EXPH5: variants seen among roughly 807,000 people sequenced by gnomAD.
EXPH5 encodes the protein exophilin 5, also known as exophilin-5.
A neutral mutation model predicts 41.1 loss-of-function variants in EXPH5; 42 were observed. The ratio of observed to expected loss-of-function variants is 1.02; its 90% CI spans 0.80 to 1.32. The LOEUF (loss-of-function observed/expected upper bound fraction) is 1.32, where lower values mean the gene tolerates loss of function less well. Among genes scored for constraint, EXPH5 ranks in the 40% most tolerant of loss-of-function variants. The pLI, the probability that EXPH5 is intolerant of heterozygous loss-of-function variation, is 0.00. For synonymous variants in EXPH5, 798 were observed against 833.5 expected, an observed-to-expected ratio of 0.96 and a Z score of 0.73; for missense variants, 2,298 against 2,314.5, an observed-to-expected ratio of 0.99 and a Z score of 0.15.
chr11:108,562,265 G>GT (rs35527615), intron 1 of EXPH5, among the ~76,000 whole-genome samples: 29,119 of 104,494 alleles, frequency 0.28, 3,988 homozygotes, highest in East Asian at 0.5. Context: ...TTTTTTCTGT[G>GT]TTTTTTTTTT....
At chr11:108,543,622 T>C (rs1469873227) in intron 1 of EXPH5, among the ~76,000 whole-genome samples, 1 of 152,186 alleles carries the variant, frequency 6.6e-6, no homozygotes, top group Non-Finnish European at 1.5e-5. Flanking sequence ...AAGGGGGTGA[T>C]GAGCAAGATA....
chr11:108,539,164 T>C lies in EXPH5; in HGVS notation c.303A>G (p.Ser101=). The change falls in exon 3 of 6, where the codon TCA becomes TCG. Residue 101 remains serine, a synonymous_variant. Transcript: ENST00000265843. ...TTTGATTAGTTACATTTTTAGATCT[T>C]GATGTAGGTAATTCTATCGGATCTA... ...AKNDPIELPT[S]RSKNVTNQKK... 2 of 1,600,270 alleles carry C rather than the reference T, an allele frequency of 1.2e-6. No individual in the cohort carries two copies. The highest frequency in any genetic ancestry group is 1.7e-6 in the Non-Finnish European group (2 of 1,174,554).
rs2093645507 is a variant in EXPH5, at chr11:108,506,668, T to C, written c.*2869A>G. ...CTTAAAATTGCATAGAAAATGTAGG[T>C]CATGGTTTATTAAAGTTTTACTTAA... On this transcript the variant is annotated 3_prime_UTR_variant, in exon 6 of 6. Transcript: ENST00000265843. 1 of 152,164 alleles carries C rather than the reference T, an allele frequency of 6.6e-6. No individual in the cohort carries two copies. The highest frequency in any genetic ancestry group is 1.5e-5 in the Non-Finnish European group (1 of 68,048). The allele number at this position is 152,164 out of a possible 1,614,324, so 9.4% of individuals were successfully genotyped here. A position where few individuals can be genotyped will look rare whatever the true frequency, so the allele number is the denominator to read the frequency against.
intron 3 of EXPH5, among the ~76,000 whole-genome samples, chr11:108,532,358 ATATATATATTTTTTTTTTTTTTTTTT>A (rs1239756325): frequency 3.7e-4 from 7 of 19,008 alleles, no homozygotes; most frequent in African/African-American, 3.0e-3. Context: ...ATATATATAT[ATATATATATTTTTTTTTTTTTTTTTT>A]TTTTTTTTTT....
At chr11:108,557,992 G>C (rs768536193) in intron 1 of EXPH5, among the ~76,000 whole-genome samples, 1 of 151,888 alleles carries the variant, frequency 6.6e-6, no homozygotes, top group Non-Finnish European at 1.5e-5. Flanking sequence ...ACCCAGGCTG[G>C]GGTGCAGTGG....
At position 108,513,683 on chromosome 11, in the gene EXPH5, T is replaced by C. The variant is rs2093700420; in HGVS notation, c.1824A>G (p.Val608=). The change falls in exon 6 of 6, where the codon GTA becomes GTG. Residue 608 remains valine, a synonymous_variant. Transcript: ENST00000265843. ...VSQQDSSPVE[V]HINKEASSFG... is the part of the protein sequence containing the mutation. ...ATGAGGAAGCTTCTTTGTTTATATGTACTTCTACAGGAGAACTGTCCTGTT... is the reference window on the plus strand; with the variant it reads ...ATGAGGAAGCTTCTTTGTTTATATGCACTTCTACAGGAGAACTGTCCTGTT... The C allele has an allele frequency of 6.2e-7, 1 of 1,612,806 alleles. No individual in the cohort carries two copies. Among genetic ancestry groups the C allele is most frequent in the Non-Finnish European group, 8.5e-7 (1 of 1,179,552 alleles).
At position 108,541,780 on chromosome 11, in the gene EXPH5, C is replaced by T. The variant is rs2093914434; in HGVS notation, c.152G>A (p.Trp51Ter). ...KLQKTKRDIR[W>*]LQGVTGEWFE... Reference sequence around the variant, plus strand: ...CCATTCACCAGTCACTCCCTGAAGCCATCTGATATCCCTCTTTGTCTTCTG... The same window carrying T: ...CCATTCACCAGTCACTCCCTGAAGCTATCTGATATCCCTCTTTGTCTTCTG... The change falls in exon 2 of 6, where the codon TGG becomes TAG. Residue 51 changes from tryptophan to a stop codon, truncating the protein, a stop_gained. Coordinates refer to ENST00000265843, the MANE Select transcript of EXPH5 (RefSeq NM_015065.3). LOFTEE classifies it high-confidence loss of function. 1 of 1,609,242 alleles carries T rather than the reference C, an allele frequency of 6.2e-7. No individual in the cohort carries two copies. Among genetic ancestry groups the T allele is most frequent in the Admixed American group, 1.7e-5 (1 of 59,174 alleles).
chr11:108,513,216 A>G lies in EXPH5; in HGVS notation c.2291T>C (p.Ile764Thr), dbSNP rs781457921. 1 of 1,613,694 alleles carries G rather than the reference A, an allele frequency of 6.2e-7. No individual in the cohort carries two copies. Among genetic ancestry groups the G allele is most frequent in the Admixed American group, 1.7e-5 (1 of 59,936 alleles). The change falls in exon 6 of 6, where the codon ATA (isoleucine) becomes ACA (threonine). Residue 764 changes from isoleucine (I) to threonine (T), a missense_variant. Ile to Thr is a moderately conservative substitution (Grantham distance 89). Transcript: ENST00000265843. ...NGFGFNASTI[I>T]SSKKSPRVFS... is the part of the protein sequence containing the mutation. ...GACTCTGGGTGACTTTTTTGAACTTATTATGGTAGATGCATTAAAACCAAA... is the reference window on the plus strand; with the variant it reads ...GACTCTGGGTGACTTTTTTGAACTTGTTATGGTAGATGCATTAAAACCAAA...
At chr11:108,592,869 T>A (rs1477480100) in intron 1 of EXPH5, among the ~76,000 whole-genome samples, 2 of 152,248 alleles carry the variant, frequency 1.3e-5, no homozygotes, top group Admixed American at 6.5e-5. Context: ...GGTGGGGACC[T>A]TTCGCCTCCC....
Position 108,593,363 on chromosome 11 carries a change from C to T in EXPH5, c.119+55G>A, listed in dbSNP as rs1290322463. 8 of 1,506,486 alleles carry T rather than the reference C, an allele frequency of 5.3e-6. No individual in the cohort carries two copies. The Admixed American group carries it at 1.2e-4, about 23-fold the overall frequency. 93.3% of individuals were successfully genotyped at this position (1,506,486 alleles called of 1,614,324 possible). On this transcript the variant is annotated intron_variant, in intron 1 of 5. Coordinates refer to ENST00000265843, the MANE Select transcript of EXPH5 (RefSeq NM_015065.3). The stretch of plus-strand genomic sequence containing the variant: ...CGAGCTCAGCGCCTTCCCCGCGGAT[C>T]CCCGGCCCCTGCGGGACCCAGGCCC...
Position 108,541,668 on chromosome 11 carries a change from C to T in EXPH5, c.264G>A (p.Lys88=). ...LKQPLTYRLS[K]EMAKNDPIEL... ...TTTTCTTACCATTTTTTGCCATCTCCTTACTTAGCCTGTATGTAAGTGGTT... is the reference window on the plus strand; with the variant it reads ...TTTTCTTACCATTTTTTGCCATCTCTTTACTTAGCCTGTATGTAAGTGGTT... Residue 88 remains lysine (K), a synonymous_variant, in exon 2 of 6, where the codon AAG becomes AAA. Transcript: ENST00000265843. The T allele has an allele frequency of 1.9e-6, 3 of 1,592,494 alleles. No homozygotes were observed. Among genetic ancestry groups the T allele is most frequent in the Non-Finnish European group, 2.6e-6 (3 of 1,173,738 alleles).
chr11:108,593,208 TGTGGTGG>T (rs2136132438), intron 1 of EXPH5, among the ~76,000 whole-genome samples: 1 of 151,690 alleles, frequency 6.6e-6, no homozygotes, highest in African/African-American at 2.4e-5. Flanking sequence ...CCGTCTGGTA[TGTGGTGG>T]GTGGAGAGGG....
intron 1 of EXPH5, among the ~76,000 whole-genome samples, chr11:108,583,805 T>A (rs2094105740): frequency 6.6e-6 from 1 of 152,140 alleles, no homozygotes; most frequent in South Asian, 2.1e-4. Flanking sequence ...ATGCTTGAAG[T>A]CCTAGTCAAT....
rs12146448 is a variant in EXPH5, at chr11:108,513,934, C to T, written c.1573G>A (p.Val525Ile). 5.6e-6 allele frequency: 9 copies of T among 1,607,556 alleles called. No individual in the cohort carries two copies. Among genetic ancestry groups the T allele is most frequent in the East Asian group, 2.2e-5 (1 of 44,874 alleles). The change falls in exon 6 of 6, where the codon GTT (valine) becomes ATT (isoleucine). Residue 525 changes from valine (V) to isoleucine (I), a missense_variant. By Grantham distance (29) the Val-to-Ile change is conservative (BLOSUM62 3). Transcript: ENST00000265843. ...NSVSAIHGHN[V>I]SSEHWESFSS... is the part of the protein sequence containing the mutation. ...AATGATTCCCAGTGTTCAGAAGAAA[C>T]ATTATGGCCATGAATGGCTGATACA...
At position 108,511,506 on chromosome 11, in the gene EXPH5, A is replaced by G; in HGVS notation, c.4001T>C (p.Leu1334Ser). ...AGGAGCTAGGGGCCCCCTATTTGATAATCGGAAGGCAGTCATATTTTCAGT... is the reference window on the plus strand; with the variant it reads ...AGGAGCTAGGGGCCCCCTATTTGATGATCGGAAGGCAGTCATATTTTCAGT... The part of the protein sequence containing the change: ...LTTENMTAFR[L>S]SNRGPLAPTL... Residue 1334 changes from leucine to serine, a missense_variant, in exon 6 of 6, where the codon TTA becomes TCA. Coordinates refer to ENST00000265843, the MANE Select transcript of EXPH5 (RefSeq NM_015065.3). 6.3e-7 allele frequency: 1 copy of G among 1,592,298 alleles called. No individual in the cohort carries two copies. Among genetic ancestry groups the G allele is most frequent in the Non-Finnish European group, 8.5e-7 (1 of 1,172,566 alleles).
At chr11:108,573,189 A>AAAGAAAGT (rs2094068283) in intron 1 of EXPH5, among the ~76,000 whole-genome samples, 1 of 135,040 alleles carries the variant, frequency 7.4e-6, no homozygotes, top group African/African-American at 3.4e-5. Flanking sequence ...AGAAAGAAAG[A>AAAGAAAGT]AAGAAAGAAA....
In EXPH5 at chr11:108,514,422, C is replaced by T. The variant is rs756860433; in HGVS notation, c.1085G>A (p.Ser362Asn). 3.1e-6 allele frequency: 5 copies of T among 1,614,122 alleles called. No homozygotes were observed. Among genetic ancestry groups the T allele is most frequent in the South Asian group, 2.2e-5 (2 of 91,068 alleles). ...GGATGATAAAGGAGTTCTCTTTGGA[C>T]TCTGCTGGTGCCTTGGTGGTATAAA... The part of the protein sequence containing the change: ...SGFIPPRHQQ[S>N]PKRTPLSSII... Residue 362 changes from serine (S) to asparagine (N), a missense_variant, in exon 6 of 6, where the codon AGT becomes AAT. Physicochemically the swap from Ser to Asn is conservative, Grantham distance 46. Coordinates refer to ENST00000265843, the MANE Select transcript of EXPH5 (RefSeq NM_015065.3).
intron 1 of EXPH5, among the ~76,000 whole-genome samples, chr11:108,591,874 T>A (rs1302530064): frequency 6.6e-6 from 1 of 152,204 alleles, no homozygotes; most frequent in Non-Finnish European, 1.5e-5. Context: ...AAAGCTTCTC[T>A]CCTTGTTATT....
chr11:108,518,633 C>T (rs911669769), intron 4 of EXPH5, among the ~76,000 whole-genome samples: 3 of 152,162 alleles, frequency 2.0e-5, no homozygotes, highest in Non-Finnish European at 2.9e-5. Context: ...AAGTTTCCTA[C>T]GAACTTACAC....
Sources: gnomAD v4.1 joint callset for allele counts (sites outside exome capture counted in the v4.1 genomes callset) on GRCh38, gnomAD v4.1.1 for gene constraint, MANE v1.5 for transcripts, NCBI Gene and HGNC (gene_info 2026-07-23, HGNC 2026-07-21) for gene names.